The following SPATA45 variants were observed in gnomAD, a reference collection of about 807,000 sequenced individuals.
SPATA45 encodes spermatogenesis-associated protein 45.
In SPATA45, 5 loss-of-function variants were observed where a neutral mutation model predicts 7.0. The observed-to-expected ratio is 0.71, with a 90% CI of 0.37 to 1.50. The LOEUF is 1.50. Ranked by LOEUF, SPATA45 falls within the 40% of genes most tolerant of loss-of-function variation. The pLI is 0.03. For missense variants in SPATA45, 111 were observed against 114.9 expected, an observed-to-expected ratio of 0.97 and a Z score of 0.16; for synonymous variants, 40 against 38.7, an observed-to-expected ratio of 1.03 and a Z score of -0.13.
At chr1:212,837,130 TAA>T (rs959528343) in intron 1 of SPATA45, among the ~76,000 whole-genome samples, 2 of 151,362 alleles carry the variant, frequency 1.3e-5, no homozygotes, top group African/African-American at 4.8e-5. Context: ...ATTATAAAAA[TAA>T]TACATGTTTA....
chr1:212,832,359 CTTTTTTTTTT>C (rs34934655), intron 2 of SPATA45, among the ~76,000 whole-genome samples: 1 of 57,174 alleles, frequency 1.7e-5, no homozygotes, highest in Non-Finnish European at 3.2e-5. Flanking sequence ...GAAATCTAAG[CTTTTTTTTTT>C]TTTTTTTTTT....
intron 1 of SPATA45, among the ~76,000 whole-genome samples, chr1:212,842,362 G>A (rs923155710): frequency 6.6e-6 from 1 of 151,816 alleles, no homozygotes; most frequent in African/African-American, 2.4e-5. Flanking sequence ...TGGGGGACAA[G>A]AATGAAACTT....
At chr1:212,845,717 C>A (rs917989795) in intron 1 of SPATA45, among the ~76,000 whole-genome samples, 16 of 152,236 alleles carry the variant, frequency 1.1e-4, no homozygotes, top group Non-Finnish European at 2.2e-4. Context: ...CGTTCTTATG[C>A]CACCCTCTAC....
intron 1 of SPATA45, among the ~76,000 whole-genome samples, chr1:212,843,245 G>A (rs889593488): frequency 1.3e-5 from 2 of 150,914 alleles, no homozygotes; most frequent in Non-Finnish European, 2.9e-5. Context: ...AGCCAAGACC[G>A]CACCATTGCA....
intron 1 of SPATA45, among the ~76,000 whole-genome samples, chr1:212,845,052 G>T (rs1663767275): frequency 6.6e-6 from 1 of 152,086 alleles, no homozygotes; most frequent in Non-Finnish European, 1.5e-5. Context: ...CCCACACAAG[G>T]CAAATGGTTC....
chr1:212,844,443 C>G (rs1663752713), intron 1 of SPATA45, among the ~76,000 whole-genome samples: 1 of 152,196 alleles, frequency 6.6e-6, no homozygotes, highest in African/African-American at 2.4e-5. Flanking sequence ...CACCTGACCC[C>G]CATGACGCTA....
chr1:212,836,485 C>A (rs1307948882), intron 1 of SPATA45, among the ~76,000 whole-genome samples: 1 of 151,410 alleles, frequency 6.6e-6, no homozygotes, highest in East Asian at 1.9e-4. Flanking sequence ...CGCGCACTAC[C>A]ATGCCTGGCT....
At position 212,844,457 on chromosome 1, in the gene SPATA45, C is replaced by T. The variant is rs573349987; in HGVS notation, c.-39+3123G>A. 3.3e-5 allele frequency among the ~76,000 whole-genome samples: 5 copies of T among 152,294 alleles called. No individual in the cohort carries two copies. The South Asian group carries it at 1.0e-3, about 32-fold the overall frequency. On this transcript the variant is annotated intron_variant, in intron 1 of 2. Transcript: ENST00000332912. Reference sequence around the variant, plus strand: ...ACACCTGACCCCCATGACGCTATCTCTCTGATCCACCTGACATTCACTCCA... The same window carrying T: ...ACACCTGACCCCCATGACGCTATCTTTCTGATCCACCTGACATTCACTCCA...
chr1:212,840,678 C>T (rs1055727887), intron 1 of SPATA45, among the ~76,000 whole-genome samples: 36 of 152,218 alleles, frequency 2.4e-4, no homozygotes, highest in Middle Eastern at 3.4e-3. Context: ...AGTGCAGGGG[C>T]GCGATCTTGG....
At position 212,836,164 on chromosome 1, in the gene SPATA45, A is replaced by G; in HGVS notation, c.-15T>C. ...ATAGATGCCATTATGGTCACAAACC[A>G]ATTGTCAAGTGATTCTTGCTGTCCT... On this transcript the variant is annotated 5_prime_UTR_variant, in exon 2 of 3. Coordinates refer to ENST00000332912, the MANE Select transcript of SPATA45 (RefSeq NM_001024601.3). 1 of 1,585,656 alleles carries G rather than the reference A, an allele frequency of 6.3e-7. No individual in the cohort carries two copies. Among genetic ancestry groups the G allele is most frequent in the Non-Finnish European group, 8.6e-7 (1 of 1,158,478 alleles).
chr1:212,836,021 T>G lies in SPATA45; in HGVS notation c.129A>C (p.Leu43Phe), dbSNP rs773435172. Reference sequence around the variant, plus strand: ...GGAAGTGCCTCTTTTGAACTCTCAGTAAGCTGACTTGATTGCTTCGTTCCA... The same window carrying G: ...GGAAGTGCCTCTTTTGAACTCTCAGGAAGCTGACTTGATTGCTTCGTTCCA... Reference protein sequence around the residue: ...CLVERSNQVSLLRVQKRHFPD... With the variant: ...CLVERSNQVSFLRVQKRHFPD... The change falls in exon 2 of 3, where the codon TTA becomes TTC. Residue 43 changes from leucine to phenylalanine, a missense_variant. Leu to Phe is a conservative substitution (Grantham distance 22, BLOSUM62 0). Coordinates refer to ENST00000332912, the MANE Select transcript of SPATA45 (RefSeq NM_001024601.3). The G allele has an allele frequency of 4.3e-6, 7 of 1,611,308 alleles. No homozygotes were observed. The highest frequency in any genetic ancestry group is 4.2e-6 in the Non-Finnish European group (5 of 1,178,076).
At chr1:212,840,610 C>T (rs561207676) in intron 1 of SPATA45, among the ~76,000 whole-genome samples, 7 of 151,380 alleles carry the variant, frequency 4.6e-5, no homozygotes, top group East Asian at 2.0e-4. Context: ...CGTGGGCCAC[C>T]GCCCTCGCCT....
rs181639803 is a variant in SPATA45, at chr1:212,838,094, A to C, written c.-38-1907T>G. On this transcript the variant is annotated intron_variant, in intron 1 of 2. Coordinates refer to ENST00000332912, the MANE Select transcript of SPATA45 (RefSeq NM_001024601.3). ...GGTGTATGGGTCACCTGAGGTCAGG[A>C]GTTCGAGACCAGCCTGTTCAACATG... is the stretch of plus-strand genomic sequence containing the variant. Among the ~76,000 whole-genome samples, 586 of 151,650 alleles carry C rather than the reference A, an allele frequency of 3.9e-3. 11 individuals carry two copies. The highest frequency in any genetic ancestry group is 0.014 in the African/African-American group (560 of 41,470).
chr1:212,836,134 TG>T lies in SPATA45; in HGVS notation c.15del (p.Asn5LysfsTer6), dbSNP rs779825737. 125 of 1,603,040 alleles carry T rather than the reference TG, an allele frequency of 7.8e-5. 4 individuals carry two copies. The highest frequency in any genetic ancestry group is 1.0e-4 in the Non-Finnish European group (119 of 1,170,880). On this transcript the variant is annotated frameshift_variant, in exon 2 of 3. Transcript: ENST00000332912. LOFTEE classifies it high-confidence loss of function. MASI[N>X]RTIEIMKKHG... Reference sequence around the variant, plus strand: ...TGTTTTTTCATTATTTCAATGGTTCTGTTTATAGATGCCATTATGGTCACAA... The same window carrying T: ...TGTTTTTTCATTATTTCAATGGTTCTTTTATAGATGCCATTATGGTCACAA...
chr1:212,846,877 T>A (rs1280734129), intron 1 of SPATA45, among the ~76,000 whole-genome samples: 1 of 152,000 alleles, frequency 6.6e-6, no homozygotes, highest in African/African-American at 2.4e-5. Flanking sequence ...GCTTTGAAAC[T>A]TCTTTTTCTT....
At position 212,836,041 on chromosome 1, in the gene SPATA45, G is replaced by A. The variant is rs80161538; in HGVS notation, c.109C>T (p.Arg37Ter). ...KKRESNCLVE[R>*]SNQVSLLRVQ... is the part of the protein sequence containing the mutation. ...CTCAGTAAGCTGACTTGATTGCTTCGTTCCACCAAGCAGTTGGATTCACGC... is the reference window on the plus strand; with the variant it reads ...CTCAGTAAGCTGACTTGATTGCTTCATTCCACCAAGCAGTTGGATTCACGC... Residue 37 changes from arginine (R) to a stop codon, truncating the protein, a stop_gained, in exon 2 of 3, where the codon CGA becomes TGA. Transcript: ENST00000332912. LOFTEE classifies it high-confidence loss of function. 3.0e-3 allele frequency: 4,883 copies of A among 1,611,092 alleles called. 367 individuals carry two copies. In the East Asian group the frequency reaches 0.094, roughly 31 times the overall value.
At chr1:212,841,638 T>C (rs1197018293) in intron 1 of SPATA45, among the ~76,000 whole-genome samples, 1 of 149,984 alleles carries the variant, frequency 6.7e-6, no homozygotes, top group Non-Finnish European at 1.5e-5. Context: ...TTTCTTTTTT[T>C]TTTTTTTTTT....
At chr1:212,831,947 C>A (rs188492605) in intron 2 of SPATA45, among the ~76,000 whole-genome samples, 107 of 151,094 alleles carry the variant, frequency 7.1e-4, no homozygotes, top group African/African-American at 2.1e-3. Context: ...TCCTATCCCC[C>A]ACCCTGCTGT....
At chr1:212,846,756 T>A (rs1480135710) in intron 1 of SPATA45, among the ~76,000 whole-genome samples, 4 of 152,220 alleles carry the variant, frequency 2.6e-5, no homozygotes, top group Non-Finnish European at 4.4e-5. Flanking sequence ...AACAGCCTTG[T>A]TGCTCACACA....
Sources: gnomAD v4.1 joint callset for allele counts (sites outside exome capture counted in the v4.1 genomes callset) on GRCh38, gnomAD v4.1.1 for gene constraint, MANE v1.5 for transcripts, NCBI Gene and HGNC (gene_info 2026-07-23, HGNC 2026-07-21) for gene names.